Variants in SLC39A11 observed in about 807,000 individuals in gnomAD.
SLC39A11 encodes the protein solute carrier family 39 member 11.
Under a neutral mutation model 36.1 loss-of-function variants are expected in SLC39A11, and 33 were observed. That is an observed-to-expected ratio of 0.91 (90% CI 0.69 to 1.22). The LOEUF (loss-of-function observed/expected upper bound fraction) is 1.22. Ranked by LOEUF, SLC39A11 falls within the 50% of genes most tolerant of loss-of-function variation. The pLI, the probability that SLC39A11 is intolerant of heterozygous loss-of-function variation, is 0.00. For synonymous variants in SLC39A11, 166 were observed against 170.3 expected, an observed-to-expected ratio of 0.97 and a Z score of 0.20; for missense variants, 432 against 430.3, an observed-to-expected ratio of 1.00 and a Z score of -0.03.
intron 4 of SLC39A11, among the ~76,000 whole-genome samples, chr17:72,989,771 C>T (rs945354345): frequency 3.9e-5 from 6 of 152,178 alleles, no homozygotes; most frequent in African/African-American, 1.2e-4. Context: ...CAGATCATTA[C>T]GTAAAGTCTC....
chr17:72,753,137 C>A (rs2075219371), intron 6 of SLC39A11, among the ~76,000 whole-genome samples: 1 of 152,220 alleles, frequency 6.6e-6, no homozygotes, highest in South Asian at 2.1e-4. Context: ...GGATTACAGG[C>A]ATGAGCCACT....
chr17:72,787,318 C>T (rs1324886740), intron 6 of SLC39A11, among the ~76,000 whole-genome samples: 2 of 122,520 alleles, frequency 1.6e-5, no homozygotes, highest in South Asian at 2.7e-4. Flanking sequence ...ATGGCAGTGG[C>T]GCAATCTCGG....
chr17:72,993,124 C>A (rs1230455108), intron 4 of SLC39A11, among the ~76,000 whole-genome samples: 3 of 152,124 alleles, frequency 2.0e-5, no homozygotes, highest in Non-Finnish European at 4.4e-5. Flanking sequence ...AGCCACAATT[C>A]AAGATGAGAT....
At chr17:72,917,988 T>C (rs2083428966) in intron 5 of SLC39A11, among the ~76,000 whole-genome samples, 1 of 152,204 alleles carries the variant, frequency 6.6e-6, no homozygotes, top group Non-Finnish European at 1.5e-5. Flanking sequence ...ATCGGCACTG[T>C]TACCTGCCAG....
intron 4 of SLC39A11, among the ~76,000 whole-genome samples, chr17:72,997,681 T>A (rs778180473): frequency 7.9e-5 from 12 of 152,254 alleles, no homozygotes; most frequent in Non-Finnish European, 1.8e-4. Flanking sequence ...AATTGCACAC[T>A]GTTCTGAGTA....
intron 3 of SLC39A11, among the ~76,000 whole-genome samples, chr17:73,070,141 T>A (rs892014495): frequency 1.3e-5 from 2 of 152,164 alleles, no homozygotes; most frequent in African/African-American, 4.8e-5. Context: ...GCAGGAAAGA[T>A]CCTGCCTGCC....
At chr17:72,906,676 G>A (rs2082672123) in intron 5 of SLC39A11, among the ~76,000 whole-genome samples, 1 of 152,196 alleles carries the variant, frequency 6.6e-6, no homozygotes, top group African/African-American at 2.4e-5. Flanking sequence ...GGGCTTTAAT[G>A]GACAAATCAG....
At chr17:72,968,828 A>C (rs2087213312) in intron 4 of SLC39A11, among the ~76,000 whole-genome samples, 1 of 152,202 alleles carries the variant, frequency 6.6e-6, no homozygotes, top group Non-Finnish European at 1.5e-5. Flanking sequence ...GGCCTCCCAG[A>C]GTTAACTGAA....
chr17:73,004,420 G>A (rs1002681462), intron 4 of SLC39A11, among the ~76,000 whole-genome samples: 3 of 152,184 alleles, frequency 2.0e-5, no homozygotes, highest in Non-Finnish European at 4.4e-5. Flanking sequence ...AAGTAAGAAA[G>A]ACAGCGAGCT....
At chr17:72,866,621 G>GC (rs1567850741) in intron 5 of SLC39A11, among the ~76,000 whole-genome samples, 1 of 151,184 alleles carries the variant, frequency 6.6e-6, no homozygotes, top group African/African-American at 2.4e-5. Flanking sequence ...AAAGACAAAT[G>GC]AAAAAAAATG....
chr17:72,937,198 T>C (rs1236572216), intron 5 of SLC39A11, among the ~76,000 whole-genome samples: 20 of 152,276 alleles, frequency 1.3e-4, no homozygotes, highest in Middle Eastern at 3.4e-3. Context: ...CCCAGCACTT[T>C]GGGAGGCCGA....
At chr17:72,655,100 G>A (rs898713273) in intron 7 of SLC39A11, among the ~76,000 whole-genome samples, 21 of 152,336 alleles carry the variant, frequency 1.4e-4, no homozygotes, top group African/African-American at 3.4e-4. Flanking sequence ...ATTGCTGGGC[G>A]GTCAGAGTCC....
chr17:72,705,626 C>T (rs909319719), intron 7 of SLC39A11, among the ~76,000 whole-genome samples: 4 of 152,086 alleles, frequency 2.6e-5, no homozygotes, highest in Non-Finnish European at 1.5e-5. Flanking sequence ...AACTCGATGG[C>T]GGAGGTTGGA....
intron 5 of SLC39A11, among the ~76,000 whole-genome samples, chr17:72,910,241 C>T (rs1371043935): frequency 6.6e-6 from 1 of 152,058 alleles, no homozygotes; most frequent in African/African-American, 2.4e-5. Flanking sequence ...CATTCATACC[C>T]CTCAGTGAGT....
At chr17:73,055,854 T>C (rs2059648159) in intron 3 of SLC39A11, among the ~76,000 whole-genome samples, 1 of 152,180 alleles carries the variant, frequency 6.6e-6, no homozygotes, top group African/African-American at 2.4e-5. Context: ...AATTAGGCTA[T>C]CTCTGTGCAG....
At chr17:73,068,552 G>A (rs1301817342) in intron 3 of SLC39A11, among the ~76,000 whole-genome samples, 5 of 152,094 alleles carry the variant, frequency 3.3e-5, no homozygotes, top group Admixed American at 6.6e-5. Flanking sequence ...CCTCATTTCC[G>A]GTAGAGTCCC....
intron 5 of SLC39A11, among the ~76,000 whole-genome samples, chr17:72,891,086 C>A (rs1054656281): frequency 7.5e-6 from 1 of 133,042 alleles, no homozygotes; most frequent in Non-Finnish European, 1.6e-5. Context: ...AAATGGATAT[C>A]AGGTTGGGGG....
chr17:72,872,094 A>G (rs1567860196), intron 5 of SLC39A11, among the ~76,000 whole-genome samples: 1 of 152,328 alleles, frequency 6.6e-6, no homozygotes, highest in East Asian at 1.9e-4. Flanking sequence ...TTTTTCCTAT[A>G]CAAGAGGTAA....
intron 5 of SLC39A11, among the ~76,000 whole-genome samples, chr17:72,921,893 G>A (rs369832106): frequency 3.3e-5 from 5 of 152,316 alleles, no homozygotes; most frequent in South Asian, 4.1e-4. Flanking sequence ...AATGCAAAAC[G>A]ATGTGAGGCT....
Sources: gnomAD v4.1 joint callset for allele counts (sites outside exome capture counted in the v4.1 genomes callset) on GRCh38, gnomAD v4.1.1 for gene constraint, MANE v1.5 for transcripts, NCBI Gene and HGNC (gene_info 2026-07-23, HGNC 2026-07-21) for gene names.